KCNN4: variants seen among roughly 807,000 people sequenced by gnomAD.
KCNN4 encodes the protein potassium calcium-activated channel subfamily N member 4, also known as intermediate conductance calcium-activated potassium channel protein 4.
KCNN4 carries 31 observed loss-of-function variants against 45.2 expected under a neutral mutation model. The observed-to-expected ratio is 0.69, with a 90% CI of 0.52 to 0.92. The LOEUF (loss-of-function observed/expected upper bound fraction) is 0.92, where lower values mean the gene tolerates loss of function less well. Among genes scored for constraint, KCNN4 ranks in the 40% least tolerant of loss-of-function variants. The probability of loss-of-function intolerance (pLI) is 0.00; values close to 1 mark genes in which losing one functional copy is unlikely to be tolerated. For missense variants in KCNN4, 463 were observed against 574.0 expected, an observed-to-expected ratio of 0.81 and a Z score of 1.98; for synonymous variants, 231 against 254.6, an observed-to-expected ratio of 0.91 and a Z score of 0.88.
chr19:43,776,609 A>G lies in KCNN4; in HGVS notation c.187T>C (p.Cys63Arg), dbSNP rs1419141962. 12 of 1,613,850 alleles carry G rather than the reference A, an allele frequency of 7.4e-6. No individual in the cohort carries two copies. Among genetic ancestry groups the G allele is most frequent in the Admixed American group, 3.3e-5 (2 of 60,002 alleles). The change falls in exon 2 of 9, where the codon TGC becomes CGC. Residue 63 changes from cysteine (C) to arginine (R), a missense_variant. Transcript: ENST00000648319. ...AAGAAGGTGGAAATGCTGATCGTGC[A>G]TTTAACCAGGAACAGGTAGAGCGCC... is the stretch of plus-strand genomic sequence containing the variant. The part of the protein sequence containing the change: ...SWALYLFLVK[C>R]TISISTFLLL...
Position 43,780,797 on chromosome 19 carries a change from T to C in KCNN4, c.65A>G (p.Glu22Gly), listed in dbSNP as rs1185394525. 6.2e-7 allele frequency: 1 copy of C among 1,613,856 alleles called. No individual in the cohort carries two copies. Among genetic ancestry groups the C allele is most frequent in the South Asian group, 1.1e-5 (1 of 91,054 alleles). ...CAGTGCCCAGCCGGCCAGAGACTTC[T>C]CCTGCTCCAGCAAGCGCTTTCGGCG... The part of the protein sequence containing the change: ...LRRRKRLLEQ[E>G]KSLAGWALVL... Residue 22 changes from glutamate (E) to glycine (G), a missense_variant, in exon 1 of 9, where the codon GAG becomes GGG. Physicochemically the swap from Glu to Gly is moderately conservative, Grantham distance 98. Around this residue, in one of 3 missense-constraint regions of KCNN4, gnomAD observed 225 missense variants for 240.9 expected, o/e 0.93. Transcript: ENST00000648319.
intron 3 of KCNN4, among the ~76,000 whole-genome samples, chr19:43,773,370 G>T (rs1969697319): frequency 6.6e-6 from 1 of 152,232 alleles, no homozygotes; most frequent in Non-Finnish European, 1.5e-5. Flanking sequence ...CTGAGGCTCA[G>T]AGAGGAGAGA....
chr19:43,769,616 C>A lies in KCNN4; in HGVS notation c.931-56G>T. The stretch of plus-strand genomic sequence containing the variant: ...ATAGACCCTTACGGTTCTGGGAAGG[C>A]AGGGCTAGGGCTGGGACTCTTGGGT... On this transcript the variant is annotated intron_variant, in intron 5 of 8. Transcript: ENST00000648319. The surrounding 1 kb of genome is among the most constrained non-coding windows in gnomAD (Gnocchi z 4.4). The A allele has an allele frequency of 6.3e-7, 1 of 1,583,680 alleles. No homozygotes were observed. Among genetic ancestry groups the A allele is most frequent in the Non-Finnish European group, 8.7e-7 (1 of 1,152,528 alleles).
intron 1 of KCNN4, among the ~76,000 whole-genome samples, chr19:43,780,030 A>G (rs1449738251): frequency 1.3e-5 from 2 of 152,024 alleles, no homozygotes; most frequent in Admixed American, 1.3e-4. Context: ...GGCACTGGGT[A>G]AACATTAGAG....
rs771446618 is a variant in KCNN4 at position 43,780,737 on chromosome 19, A to G, written c.125T>C (p.Leu42Pro). ...CCCGAACCACAGCATCTCTGCATGC[A>G]GCACCATGAGTCCAATGCCAGTTCC... Reference protein sequence around the residue: ...LAGTGIGLMVLHAEMLWFGGC... With the variant: ...LAGTGIGLMVPHAEMLWFGGC... Residue 42 changes from leucine to proline, a missense_variant, in exon 1 of 9, where the codon CTG becomes CCG. Leu to Pro is a moderately conservative substitution (Grantham distance 98). Coordinates refer to ENST00000648319, the MANE Select transcript of KCNN4 (RefSeq NM_002250.3). 5 of 1,613,200 alleles carry G rather than the reference A, an allele frequency of 3.1e-6. No homozygotes were observed. In the South Asian group the frequency reaches 4.4e-5, roughly 14 times the overall value.
At position 43,772,043 on chromosome 19, in the gene KCNN4, C is replaced by T. The variant is rs1274582578; in HGVS notation, c.776G>A (p.Gly259Asp). ...LTIGYGDVVP[G>D]TMWGKIVCLC... ...GCAGACGATCTTGCCCCACATGGTG[C>T]CCGGCACCACGTCACCATAGCCGAT... Residue 259 changes from glycine to aspartate, a missense_variant, in exon 4 of 9, where the codon GGC becomes GAC. Gly to Asp is a moderately conservative substitution (Grantham distance 94). Coordinates refer to ENST00000648319, the MANE Select transcript of KCNN4 (RefSeq NM_002250.3). The surrounding 1 kb of genome is among the most constrained non-coding windows in gnomAD (Gnocchi z 4.4). The T allele has an allele frequency of 6.2e-7, 1 of 1,613,474 alleles. No individual in the cohort carries two copies. Among genetic ancestry groups the T allele is most frequent in the Admixed American group, 1.7e-5 (1 of 59,850 alleles).
Position 43,772,426 on chromosome 19 carries a change from AC to A in KCNN4, c.684-292del, listed in dbSNP as rs1969668496. ...ATGCCGGTATGGTCTCAGCTAGGCTACCCGGGCTGCTGTAGCATTCAGAGCG... is the reference window on the plus strand; with the variant it reads ...ATGCCGGTATGGTCTCAGCTAGGCTACCGGGCTGCTGTAGCATTCAGAGCG... On this transcript the variant is annotated intron_variant, in intron 3 of 8. Coordinates refer to ENST00000648319, the MANE Select transcript of KCNN4 (RefSeq NM_002250.3). This position sits in a 1 kb window ranked among gnomAD's most constrained non-coding sequence, Gnocchi z 4.4. Among the ~76,000 whole-genome samples the A allele has an allele frequency of 6.6e-6, 1 of 152,110 alleles. No homozygotes were observed.
At position 43,769,963 on chromosome 19, in the gene KCNN4, A is replaced by C; in HGVS notation, c.820-134T>G. ...GCAAAGAGGCTCAGAGAGGAGAGCC[A>C]AGGTCCCAGCTCAGAGCGGTGGAGC... On this transcript the variant is annotated intron_variant, in intron 4 of 8. Transcript: ENST00000648319. The surrounding 1 kb of genome is among the most constrained non-coding windows in gnomAD (Gnocchi z 4.4). 1.6e-6 allele frequency: 1 copy of C among 642,402 alleles called. No homozygotes were observed. Among genetic ancestry groups the C allele is most frequent in the African/African-American group, 1.8e-5 (1 of 55,044 alleles). 39.8% of individuals were successfully genotyped at this position (642,402 alleles called of 1,614,324 possible). A position where few individuals can be genotyped will look rare whatever the true frequency, so the allele number is the denominator to read the frequency against.
intron 1 of KCNN4, among the ~76,000 whole-genome samples, chr19:43,780,227 C>T (rs1410295288): frequency 6.6e-6 from 1 of 152,038 alleles, no homozygotes; most frequent in Non-Finnish European, 1.5e-5. Context: ...TCTTCAAAGA[C>T]TGAAACACTG....
chr19:43,777,341 T>TTGTC (rs1568395416), intron 1 of KCNN4, among the ~76,000 whole-genome samples: 2 of 110,344 alleles, frequency 1.8e-5, no homozygotes, highest in East Asian at 5.2e-4. Context: ...GTGTGTGTGG[T>TTGTC]GTCTAGAAAA....
intron 2 of KCNN4, among the ~76,000 whole-genome samples, chr19:43,776,324 G>A (rs1300606117): frequency 5.3e-5 from 8 of 151,872 alleles, no homozygotes; most frequent in Non-Finnish European, 1.0e-4. Flanking sequence ...GTGCAAGGGG[G>A]GGCTGGGGAC....
chr19:43,774,329 G>C lies in KCNN4; in HGVS notation c.546C>G (p.Ile182Met). Reference protein sequence around the residue: ...GVLLNASYRSIGALNQVRFRH... With the variant: ...GVLLNASYRSMGALNQVRFRH... The stretch of plus-strand genomic sequence containing the variant: ...GGAAGCGGACTTGATTGAGAGCGCC[G>C]ATGCTGCGGTAGGAAGCGTTGAGCA... The change falls in exon 3 of 9, where the codon ATC (isoleucine) becomes ATG (methionine). Residue 182 changes from isoleucine to methionine, a missense_variant. Ile to Met is a conservative substitution (Grantham distance 10, BLOSUM62 1). Transcript: ENST00000648319. The surrounding 1 kb of genome is among the most constrained non-coding windows in gnomAD (Gnocchi z 5.6). The C allele has an allele frequency of 6.2e-7, 1 of 1,611,222 alleles. No homozygotes were observed. The highest frequency in any genetic ancestry group is 8.5e-7 in the Non-Finnish European group (1 of 1,178,736).
At position 43,767,601 on chromosome 19, in the gene KCNN4, A is replaced by T; in HGVS notation, c.1226T>A (p.Leu409Gln). Residue 409 changes from leucine to glutamine, a missense_variant, in exon 8 of 9, where the codon CTG (leucine) becomes CAG (glutamine). By Grantham distance (113) the Leu-to-Gln change is moderately radical. This residue lies in a region of KCNN4 where 129 missense variants were observed against 149.4 expected (regional missense o/e 0.86). Transcript: ENST00000648319. ...LAGKLDALTELLSTALGPRQL... is the reference protein window; with the variant it reads ...LAGKLDALTEQLSTALGPRQL... ...CCTCGGCCCCAGGGCAGTGCTAAGC[A>T]GCTCAGTCAGGGCATCCAGCTTCCC... 1 of 1,614,144 alleles carries T rather than the reference A, an allele frequency of 6.2e-7. No homozygotes were observed. Among genetic ancestry groups the T allele is most frequent in the Non-Finnish European group, 8.5e-7 (1 of 1,180,032 alleles).
intron 1 of KCNN4, among the ~76,000 whole-genome samples, chr19:43,777,090 A>T (rs1027867433): frequency 6.6e-6 from 1 of 152,042 alleles, no homozygotes; most frequent in African/African-American, 2.4e-5. Context: ...TCTCGAAACA[A>T]GCAAGCAAGC....
At chr19:43,773,173 C>T (rs981242541) in intron 3 of KCNN4, among the ~76,000 whole-genome samples, 3 of 152,182 alleles carry the variant, frequency 2.0e-5, no homozygotes, top group Non-Finnish European at 4.4e-5. Context: ...GGTGCACATC[C>T]GTAATCCCAG....
rs1257476077 is a variant in KCNN4 at position 43,774,032 on chromosome 19, G to T, written c.683+160C>A. On this transcript the variant is annotated intron_variant, in intron 3 of 8. Coordinates refer to ENST00000648319, the MANE Select transcript of KCNN4 (RefSeq NM_002250.3). The surrounding 1 kb of genome is among the most constrained non-coding windows in gnomAD (Gnocchi z 5.6). ...TGGTTCCTCTCACCCCAGTTGATGG[G>T]AGTGTGGGCAAATTTCAGCCAGCAA... Among the ~76,000 whole-genome samples, 1 of 152,202 alleles carries T rather than the reference G, an allele frequency of 6.6e-6. No homozygotes were observed. Among genetic ancestry groups the T allele is most frequent in the Non-Finnish European group, 1.5e-5 (1 of 68,036 alleles).
chr19:43,775,971 C>CA (rs912661455), intron 2 of KCNN4, among the ~76,000 whole-genome samples: 10 of 151,372 alleles, frequency 6.6e-5, no homozygotes, highest in Admixed American at 2.6e-4. Flanking sequence ...TACTAAAATA[C>CA]AAAAAAATTA....
At position 43,776,151 on chromosome 19, in the gene KCNN4, A is replaced by T. The variant is rs1001796409; in HGVS notation, c.255+390T>A. Among the ~76,000 whole-genome samples, 783 of 150,014 alleles carry T rather than the reference A, an allele frequency of 5.2e-3. 13 individuals carry two copies. Among genetic ancestry groups the T allele is most frequent in the African/African-American group, 0.018 (753 of 40,858 alleles). On this transcript the variant is annotated intron_variant, in intron 2 of 8. Coordinates refer to ENST00000648319, the MANE Select transcript of KCNN4 (RefSeq NM_002250.3). Reference sequence around the variant, plus strand: ...TCAAAAAAAAAAAAAAAAAAAAAAAAAAAAAGGAGTGGGCAGCCCTAGGAC... The same window carrying T: ...TCAAAAAAAAAAAAAAAAAAAAAAATAAAAAGGAGTGGGCAGCCCTAGGAC...
rs1237772535 is a variant in KCNN4, at chr19:43,774,139, G to A, written c.683+53C>T. 3.3e-6 allele frequency: 5 copies of A among 1,532,564 alleles called. No homozygotes were observed. Among genetic ancestry groups the A allele is most frequent in the East Asian group, 4.7e-5 (2 of 42,214 alleles). The allele number at this position is 1,532,564 out of a possible 1,614,324, so 94.9% of individuals were successfully genotyped here. On this transcript the variant is annotated intron_variant, in intron 3 of 8. Coordinates refer to ENST00000648319, the MANE Select transcript of KCNN4 (RefSeq NM_002250.3). This position sits in a 1 kb window ranked among gnomAD's most constrained non-coding sequence, Gnocchi z 5.6. ...ACCTGCACCGCGGCACAGGACGGCC[G>A]CCGTGGCTGTCCGGGGTTCCCCCCT...
Sources: gnomAD v4.1 joint callset for allele counts (sites outside exome capture counted in the v4.1 genomes callset) on GRCh38, gnomAD v4.1.1 for gene constraint, gnomAD v4.1.1 regional missense constraint, Gnocchi (gnomAD v3.1) non-coding constraint, MANE v1.5 for transcripts, NCBI Gene and HGNC (gene_info 2026-07-23, HGNC 2026-07-21) for gene names.